COL21A1: variants seen among roughly 807,000 people sequenced by gnomAD.
COL21A1 encodes the protein collagen alpha-1(XXI) chain.
A neutral mutation model predicts 137.9 loss-of-function variants in COL21A1; 149 were observed. The ratio of observed to expected loss-of-function variants is 1.08; its 90% CI spans 0.95 to 1.24. COL21A1 has a LOEUF of 1.24. Among genes scored for constraint, COL21A1 ranks in the 50% most tolerant of loss-of-function variants. The pLI, the probability that COL21A1 is intolerant of heterozygous loss-of-function variation, is 0.00. For missense variants in COL21A1, 1,167 were observed against 1,158.4 expected (o/e 1.01, Z -0.11); for synonymous variants, 456 against 391.5 (o/e 1.16, Z -1.95).
intron 14 of COL21A1, 95 bp from the exon 15 acceptor site, chr6:56,124,387 A>T (rs556437317): frequency 8.5e-7 from 1 of 1,177,610 alleles, no homozygotes; most frequent in Non-Finnish European, 1.2e-6. Context: ...AGTTAACATC[A>T]TTATGTAGTA....
At chr6:56,273,838 C>A (rs1224324763) in intron 1 of COL21A1, among the ~76,000 whole-genome samples, 1 of 152,132 alleles carries the variant, frequency 6.6e-6, no homozygotes, top group East Asian at 1.9e-4. Context: ...AAAAGGAATT[C>A]TATTCAAGGA....
At chr6:56,384,709 C>T (rs905505855) in intron 1 of COL21A1, among the ~76,000 whole-genome samples, 4 of 151,998 alleles carry the variant, frequency 2.6e-5, no homozygotes, top group Admixed American at 6.6e-5. Context: ...TATTTTTAGG[C>T]GGCTGGTAAG....
intron 1 of COL21A1, among the ~76,000 whole-genome samples, chr6:56,198,982 T>C (rs115472984): frequency 1.7e-3 from 263 of 152,152 alleles, no homozygotes; most frequent in African/African-American, 6.1e-3. Context: ...TAGGATGATA[T>C]TTGGAGTCAG....
chr6:56,068,862 G>T, intron 22 of COL21A1, 184 bp downstream of exon 22: 1 of 512,306 alleles, frequency 2.0e-6, no homozygotes, highest in Non-Finnish European at 3.4e-6. Flanking sequence ...ACCCATGTGG[G>T]TATATAAAAG....
At chr6:56,151,789 C>T (rs901704221) in intron 10 of COL21A1, among the ~76,000 whole-genome samples, 2 of 152,182 alleles carry the variant, frequency 1.3e-5, no homozygotes, top group African/African-American at 2.4e-5. Flanking sequence ...AGAGGCCCCA[C>T]CCACACCTAC....
At chr6:56,169,276 C>A (rs76406248) in intron 5 of COL21A1, among the ~76,000 whole-genome samples, 10,125 of 151,996 alleles carry the variant, frequency 0.067, 394 homozygotes, top group Admixed American at 0.11. Context: ...GGATTAATCT[C>A]TCTCCCTACA....
chr6:56,288,748 G>T (rs112691089), intron 1 of COL21A1, among the ~76,000 whole-genome samples: 1 of 152,150 alleles, frequency 6.6e-6, no homozygotes, highest in Non-Finnish European at 1.5e-5. Context: ...TGCCATTCAC[G>T]GTTCCTGAAA....
chr6:56,266,141 G>T (rs1023416197), intron 1 of COL21A1, among the ~76,000 whole-genome samples: 4 of 152,102 alleles, frequency 2.6e-5, no homozygotes, highest in Middle Eastern at 3.2e-3. Context: ...GATGACAAAA[G>T]ACAGTGAATT....
At chr6:56,098,690 TATATAA>T (rs1770102942) in intron 17 of COL21A1, among the ~76,000 whole-genome samples, 1 of 98,030 alleles carries the variant, frequency 1.0e-5, no homozygotes, top group East Asian at 2.7e-4. Context: ...TATATATAAA[TATATAA>T]ATATATATAT....
chr6:56,227,852 G>A (rs1781309651), intron 1 of COL21A1, among the ~76,000 whole-genome samples: 1 of 151,968 alleles, frequency 6.6e-6, no homozygotes, highest in Non-Finnish European at 1.5e-5. Flanking sequence ...TTGGTGGAGT[G>A]AATACCTAGT....
chr6:56,180,708 A>G (rs1777829575), intron 2 of COL21A1, among the ~76,000 whole-genome samples: 1 of 152,252 alleles, frequency 6.6e-6, no homozygotes, highest in African/African-American at 2.4e-5. Flanking sequence ...CCCCTGTTAC[A>G]AATGCTAACA....
chr6:56,254,196 C>T (rs1054149242), intron 1 of COL21A1, among the ~76,000 whole-genome samples: 2 of 152,122 alleles, frequency 1.3e-5, no homozygotes, highest in African/African-American at 4.8e-5. Flanking sequence ...TAAGAAACTA[C>T]CTTATTTCTA....
intron 3 of COL21A1, among the ~76,000 whole-genome samples, chr6:56,173,406 G>A (rs963870470): frequency 8.8e-5 from 13 of 148,154 alleles, no homozygotes; most frequent in Admixed American, 5.4e-4. Flanking sequence ...GGGGAAGGAA[G>A]GGAAAGAAAG....
intron 1 of COL21A1, among the ~76,000 whole-genome samples, chr6:56,341,654 G>T (rs1765470917): frequency 6.6e-6 from 1 of 152,198 alleles, no homozygotes; most frequent in Non-Finnish European, 1.5e-5. Flanking sequence ...TACAATGATG[G>T]ATATGTGTCA....
At chr6:56,223,745 C>T (rs950756508) in intron 1 of COL21A1, among the ~76,000 whole-genome samples, 1 of 152,122 alleles carries the variant, frequency 6.6e-6, no homozygotes, top group Non-Finnish European at 1.5e-5. Context: ...TGTGTAACAT[C>T]ATTAGCTATT....
At chr6:56,134,931 G>T (rs540510155) in intron 12 of COL21A1, among the ~76,000 whole-genome samples, 23 of 151,998 alleles carry the variant, frequency 1.5e-4, no homozygotes, top group Non-Finnish European at 3.2e-4. Flanking sequence ...TTTGTAAATT[G>T]CCCAGTCTCA....
chr6:56,110,532 T>C lies in COL21A1; in HGVS notation c.1759-9007A>G, dbSNP rs1167539578. 3.3e-5 allele frequency among the ~76,000 whole-genome samples: 5 copies of C among 151,872 alleles called. No homozygotes were observed. The East Asian group carries it at 9.6e-4, about 29-fold the overall frequency. On this transcript the variant is annotated intron_variant, in intron 16 of 29. Transcript: ENST00000244728. ...TAAATAAATTTCATATAAATTAGTA[T>C]AGAAGAAGAAAACTGTCTTTATTTG...
chr6:56,165,907 T>TACACACACACACACAC (rs61397350), intron 7 of COL21A1, among the ~76,000 whole-genome samples: 1 of 105,714 alleles, frequency 9.5e-6, no homozygotes, highest in Non-Finnish European at 2.0e-5. Context: ...GGGGATTGAT[T>TACACACACACACACAC]ACACACACAC....
intron 17 of COL21A1, among the ~76,000 whole-genome samples, chr6:56,097,600 T>C (rs1030865758): frequency 4.7e-5 from 7 of 150,392 alleles, no homozygotes; most frequent in African/African-American, 1.7e-4. Flanking sequence ...ATTATTCTAG[T>C]GCAACAACTC....
Sources: allele counts gnomAD v4.1 joint callset (sites outside exome capture counted in the v4.1 genomes callset), GRCh38; gene constraint gnomAD v4.1.1; transcripts MANE v1.5; gene names NCBI Gene and HGNC (gene_info 2026-07-23, HGNC 2026-07-21).